The following SLIT2 variants were observed in gnomAD, a reference collection of about 807,000 sequenced individuals.
The protein encoded by SLIT2 is slit homolog 2 protein.
A neutral mutation model predicts 185.7 loss-of-function variants in SLIT2; 41 were observed. The ratio of observed to expected loss-of-function variants is 0.22; its 90% CI spans 0.17 to 0.29. The LOEUF (loss-of-function observed/expected upper bound fraction) is 0.29. Among genes scored for constraint, SLIT2 ranks in the 10% least tolerant of loss-of-function variants. SLIT2 has a pLI of 1.00. For missense variants in SLIT2, 1,571 were observed against 1,909.0 expected, an observed-to-expected ratio of 0.82 and a Z score of 3.30; for synonymous variants, 693 against 680.2, an observed-to-expected ratio of 1.02 and a Z score of -0.29.
intron 4 of SLIT2, among the ~76,000 whole-genome samples, chr4:20,373,060 G>T (rs916246321): frequency 2.0e-5 from 3 of 152,050 alleles, no homozygotes; most frequent in Admixed American, 6.6e-5. Context: ...TATATGTGAA[G>T]CAGCATTTCT....
intron 11 of SLIT2, among the ~76,000 whole-genome samples, chr4:20,511,416 A>AT (rs1719697317): frequency 3.3e-5 from 4 of 122,346 alleles, no homozygotes; most frequent in Non-Finnish European, 3.6e-5. Context: ...CCATTTTTTT[A>AT]TTTCTTTTTT....
chr4:20,552,334 T>C (rs1246445996), intron 25 of SLIT2: 2 of 151,570 alleles, frequency 1.3e-5, no homozygotes, highest in Non-Finnish European at 2.9e-5. Flanking sequence ...AGAGTCTTCC[T>C]TGTTCTGTGC....
intron 9 of SLIT2, among the ~76,000 whole-genome samples, chr4:20,502,713 T>A (rs1420306114): frequency 3.9e-5 from 6 of 152,204 alleles, no homozygotes; most frequent in African/African-American, 9.6e-5. Flanking sequence ...AATTTGCAGT[T>A]GTTAGAATAT....
chr4:20,437,407 G>C (rs1729422515), intron 4 of SLIT2, among the ~76,000 whole-genome samples: 2 of 152,256 alleles, frequency 1.3e-5, no homozygotes, highest in South Asian at 4.1e-4. Flanking sequence ...TTGAGCCCAG[G>C]AGTTTGAGAC....
intron 2 of SLIT2, 89 bp from the exon 3 acceptor site, chr4:20,257,779 A>G: frequency 1.4e-6 from 1 of 730,152 alleles, no homozygotes; most frequent in Non-Finnish European, 2.5e-6. Context: ...TATAAAGGGA[A>G]AGAGTTTACA....
At chr4:20,398,929 A>G (rs1726142165) in intron 4 of SLIT2, among the ~76,000 whole-genome samples, 1 of 151,796 alleles carries the variant, frequency 6.6e-6, no homozygotes, top group Admixed American at 6.6e-5. Flanking sequence ...CTTCAAATTA[A>G]TTGGACATTT....
intron 4 of SLIT2, among the ~76,000 whole-genome samples, chr4:20,356,615 A>G (rs147676142): frequency 2.1e-4 from 32 of 152,344 alleles, no homozygotes; most frequent in African/African-American, 7.7e-4. Context: ...TTATTTCTCC[A>G]GTATTTCTCC....
At chr4:20,561,248 A>G (rs1724663974) in intron 26 of SLIT2, among the ~76,000 whole-genome samples, 1 of 151,844 alleles carries the variant, frequency 6.6e-6, no homozygotes, top group African/African-American at 2.4e-5. Context: ...AACCTGAAAC[A>G]TTGGCATAAC....
At chr4:20,303,349 A>G (rs1194465831) in intron 4 of SLIT2, among the ~76,000 whole-genome samples, 3 of 151,998 alleles carry the variant, frequency 2.0e-5, no homozygotes, top group African/African-American at 7.2e-5. Context: ...TACTTGTTTT[A>G]TTGTTTTCAT....
chr4:20,596,766 TAAAAAC>T lies in SLIT2; in HGVS notation c.3561+113_3561+118del. 3 of 1,078,748 alleles carry T rather than the reference TAAAAAC, an allele frequency of 2.8e-6. No individual in the cohort carries two copies. The Admixed American group carries it at 7.9e-5, about 28-fold the overall frequency. The allele number at this position is 1,078,748 out of a possible 1,614,324, so 66.8% of individuals were successfully genotyped here. On this transcript the variant is annotated intron_variant, in intron 32 of 36. Coordinates refer to ENST00000504154, the MANE Select transcript of SLIT2 (RefSeq NM_004787.4). The stretch of plus-strand genomic sequence containing the variant: ...TGATAGTATGTCTTAAATAGACAGT[TAAAAAC>T]AGAAAATGCTCCTTGTGTGGACAGC...
At chr4:20,296,812 T>G (rs1002669035) in intron 4 of SLIT2, among the ~76,000 whole-genome samples, 2 of 152,224 alleles carry the variant, frequency 1.3e-5, no homozygotes, top group African/African-American at 4.8e-5. Context: ...AGTGCAGATT[T>G]CATCAAATAA....
At position 20,299,219 on chromosome 4, in the gene SLIT2, T is replaced by A. The variant is rs566948170; in HGVS notation, c.395+30338T>A. Reference sequence around the variant, plus strand: ...TCCACCCAGTGGGTGATTTATAACATAGCTATTTTTTAAAGAGATATAAAG... The same window carrying A: ...TCCACCCAGTGGGTGATTTATAACAAAGCTATTTTTTAAAGAGATATAAAG... On this transcript the variant is annotated intron_variant, in intron 4 of 36. Transcript: ENST00000504154. 4.5e-4 allele frequency among the ~76,000 whole-genome samples: 69 copies of A among 152,308 alleles called. 2 individuals are homozygous for A. Among genetic ancestry groups the A allele is most frequent in the Admixed American group, 3.1e-3 (48 of 15,294 alleles).
chr4:20,543,627 A>G (rs1465065894), intron 21 of SLIT2, among the ~76,000 whole-genome samples: 1 of 152,242 alleles, frequency 6.6e-6, no homozygotes. Context: ...GACAGTGTGC[A>G]ACATAGGTAA....
chr4:20,326,337 A>G (rs1048987806), intron 4 of SLIT2, among the ~76,000 whole-genome samples: 1 of 152,012 alleles, frequency 6.6e-6, no homozygotes, highest in Non-Finnish European at 1.5e-5. Context: ...TCTTTTACAC[A>G]AGAATGTGTA....
chr4:20,614,623 C>CA (rs1729502949), intron 34 of SLIT2, among the ~76,000 whole-genome samples: 1 of 151,188 alleles, frequency 6.6e-6, no homozygotes, highest in Admixed American at 6.6e-5. Context: ...ACTAAAATTA[C>CA]AAAATAAGCC....
At chr4:20,587,066 C>T (rs753150498) in intron 29 of SLIT2, among the ~76,000 whole-genome samples, 7 of 151,698 alleles carry the variant, frequency 4.6e-5, no homozygotes, top group Admixed American at 2.0e-4. Flanking sequence ...TCACCCAGAC[C>T]GGAGTGCAGT....
intron 4 of SLIT2, among the ~76,000 whole-genome samples, chr4:20,387,454 A>G (rs1214330673): frequency 1.3e-5 from 2 of 152,116 alleles, no homozygotes; most frequent in Non-Finnish European, 2.9e-5. Flanking sequence ...TGGAAATCTT[A>G]ATTTTTAACT....
intron 35 of SLIT2, 47 bp from the exon 36 acceptor site, chr4:20,617,392 C>A: frequency 1.3e-6 from 2 of 1,546,554 alleles, no homozygotes; most frequent in Non-Finnish European, 1.8e-6. Context: ...TCATTCTTAC[C>A]TCCTCTTCTG....
At chr4:20,565,568 A>C (rs1410167235) in intron 26 of SLIT2, among the ~76,000 whole-genome samples, 2 of 151,928 alleles carry the variant, frequency 1.3e-5, no homozygotes, top group African/African-American at 4.8e-5. Flanking sequence ...GCGGAGAGAA[A>C]TTAAATTTCT....
Sources: allele counts gnomAD v4.1 joint callset (sites outside exome capture counted in the v4.1 genomes callset), GRCh38; gene constraint gnomAD v4.1.1; transcripts MANE v1.5; gene names NCBI Gene and HGNC (gene_info 2026-07-23, HGNC 2026-07-21).